The following MUC22 variants were observed in gnomAD, a reference collection of about 807,000 sequenced individuals.
The protein encoded by MUC22 is mucin 22.
MUC22 carries 24 observed loss-of-function variants against 40.3 expected under a neutral mutation model. The observed-to-expected ratio is 0.60, with a 90% confidence interval of 0.43 to 0.84. MUC22 has a LOEUF of 0.84. Ranked by LOEUF, MUC22 falls within the 40% of genes least tolerant of loss-of-function variation. MUC22 has a pLI of 0.00. For missense variants in MUC22, 1,926 were observed against 2,130.7 expected (o/e 0.90, Z 1.89); for synonymous variants, 765 against 844.5 (o/e 0.91, Z 1.63).
At chr6:31,012,482 G>A (rs866199402) in intron 1 of MUC22, among the ~76,000 whole-genome samples, 2 of 152,166 alleles carry the variant, frequency 1.3e-5, no homozygotes, top group Non-Finnish European at 2.9e-5. Context: ...AGAAGAAACT[G>A]TCATTCATGT....
At chr6:31,034,183 T>G (rs2150816878) in intron 3 of MUC22, among the ~76,000 whole-genome samples, 1 of 152,348 alleles carries the variant, frequency 6.6e-6, no homozygotes, top group South Asian at 2.1e-4. Context: ...GTGGCAGATA[T>G]AAGACTCTAA....
chr6:31,024,371 T>C (rs1460741412), intron 1 of MUC22, among the ~76,000 whole-genome samples: 1 of 79,576 alleles, frequency 1.3e-5, no homozygotes, highest in Non-Finnish European at 2.8e-5. Flanking sequence ...TATGAGAATA[T>C]ATAAAGTATT....
chr6:31,034,275 G>A (rs772069811), intron 3 of MUC22, among the ~76,000 whole-genome samples: 12 of 152,130 alleles, frequency 7.9e-5, no homozygotes, highest in East Asian at 7.7e-4. Flanking sequence ...TCAATTCCAC[G>A]TACCTGTTCT....
chr6:31,013,669 A>G (rs1764001957), intron 1 of MUC22, among the ~76,000 whole-genome samples: 1 of 151,956 alleles, frequency 6.6e-6, no homozygotes, highest in African/African-American at 2.4e-5. Flanking sequence ...TACTGCATTT[A>G]TCTATTTATT....
At chr6:31,008,714 A>C (rs1763676494), upstream of MUC22, among the ~76,000 whole-genome samples, 1 of 151,834 alleles carries the variant, frequency 6.6e-6, no homozygotes, top group South Asian at 2.1e-4. Flanking sequence ...ACGCCCAGCT[A>C]ATTTATTTTT....
intron 1 of MUC22, 121 bp from the exon 2 acceptor site, chr6:31,025,381 C>A: frequency 2.6e-6 from 3 of 1,167,436 alleles, no homozygotes; most frequent in Non-Finnish European, 3.5e-6. Flanking sequence ...CATGTTAAGC[C>A]CTCAATAACT....
In MUC22 at chr6:31,010,875, G is replaced by C. The variant is rs562282916; in HGVS notation, c.70+99G>C. 6.2e-5 allele frequency: 38 copies of C among 608,182 alleles called. No homozygotes were observed. The African/African-American group carries it at 6.9e-4, about 11-fold the overall frequency. The allele number at this position is 608,182 out of a possible 1,614,324, so 37.7% of individuals were successfully genotyped here. On this transcript the variant is annotated intron_variant, in intron 1 of 3. Coordinates refer to ENST00000561890, the Ensembl canonical transcript of MUC22. Reference sequence around the variant, plus strand: ...CTGCCCAGGCATGACTCTTCTTCCAGAAACAATGATGATTCATTTTTTTTT... The same window carrying C: ...CTGCCCAGGCATGACTCTTCTTCCACAAACAATGATGATTCATTTTTTTTT...
intron 1 of MUC22, among the ~76,000 whole-genome samples, chr6:31,014,068 C>A (rs952673580): frequency 1.3e-5 from 2 of 152,044 alleles, no homozygotes; most frequent in Non-Finnish European, 2.9e-5. Context: ...AATTTTACCT[C>A]TAGTAACATT....
chr6:31,020,809 CTCGAAGCAGCCAGCG>C (rs1156466378), intron 1 of MUC22, among the ~76,000 whole-genome samples: 1 of 152,130 alleles, frequency 6.6e-6, no homozygotes, highest in Non-Finnish European at 1.5e-5. Context: ...CGGCCCCGCA[CTCGAAGCAGCCAGCG>C]GGCCCTGCAG....
chr6:31,035,005 C>A, exon 4 of MUC22: 1 of 1,461,290 alleles, frequency 6.8e-7, no homozygotes, highest in Non-Finnish European at 9.1e-7. Context: ...ATGGCTGTGG[C>A]CATAGATTGG....
At chr6:31,028,608 T>C (rs549057564) in exon 2 of MUC22, 1 of 1,534,012 alleles carries the variant, frequency 6.5e-7, no homozygotes, top group Admixed American at 2.0e-5. Context: ...CAGTCTTCAC[T>C]GAAAACTCTG....
chr6:31,016,861 T>G (rs998930503), intron 1 of MUC22, among the ~76,000 whole-genome samples: 1 of 152,102 alleles, frequency 6.6e-6, no homozygotes, highest in Non-Finnish European at 1.5e-5. Context: ...CAGGTGGGCG[T>G]GGCCTCGGGG....
At chr6:31,033,911 T>C (rs1265271388) in intron 3 of MUC22, among the ~76,000 whole-genome samples, 1 of 152,248 alleles carries the variant, frequency 6.6e-6, no homozygotes, top group Admixed American at 6.5e-5. Context: ...TCTCAGCCTC[T>C]CTCCGTATGT....
chr6:31,033,551 G>A (rs1290907078), intron 3 of MUC22, among the ~76,000 whole-genome samples: 1 of 152,108 alleles, frequency 6.6e-6, no homozygotes, highest in Non-Finnish European at 1.5e-5. Flanking sequence ...ATTTATTGAT[G>A]TTCTTCCTGT....
intron 1 of MUC22, among the ~76,000 whole-genome samples, chr6:31,018,128 C>G (rs1250294451): frequency 6.6e-6 from 1 of 152,210 alleles, no homozygotes; most frequent in Non-Finnish European, 1.5e-5. Flanking sequence ...CAAGAACCCA[C>G]CAATTCTGGA....
chr6:31,029,498 C>A (rs146685560), exon 2 of MUC22: 75 of 1,535,044 alleles, frequency 4.9e-5, no homozygotes, highest in Non-Finnish European at 6.3e-5. Context: ...TCTGAGACCA[C>A]AACAGTCTAT....
At chr6:31,022,364 ATTTTGGTTAGGCTGGTATCG>A (rs1248374250) in intron 1 of MUC22, among the ~76,000 whole-genome samples, 2 of 151,808 alleles carry the variant, frequency 1.3e-5, no homozygotes, top group Non-Finnish European at 2.9e-5. Context: ...GGGGTTCTCA[ATTTTGGTTAGGCTGGTATCG>A]AACTCCTGGT....
intron 2 of MUC22, 51 bp downstream of exon 2, chr6:31,030,151 A>G (rs1765946536): frequency 2.7e-6 from 4 of 1,457,038 alleles, no homozygotes; most frequent in Non-Finnish European, 3.6e-6. Flanking sequence ...CTCCAGTGGC[A>G]ACCACCAGCT....
chr6:31,009,010 C>T (rs957586704), upstream of MUC22, among the ~76,000 whole-genome samples: 1 of 152,156 alleles, frequency 6.6e-6, no homozygotes, highest in African/African-American at 2.4e-5. Flanking sequence ...TTTACCATTT[C>T]TTTTCTGTGT....
Sources: gnomAD v4.1 joint callset for allele counts (sites outside exome capture counted in the v4.1 genomes callset) on GRCh38, gnomAD v4.1.1 for gene constraint, MANE v1.5 for transcripts, NCBI Gene and HGNC (gene_info 2026-07-23, HGNC 2026-07-21) for gene names.